The following CPNE8 variants were observed in gnomAD, a reference collection of about 807,000 sequenced individuals.
CPNE8 encodes the protein copine-8.
A neutral mutation model predicts 81.5 loss-of-function variants in CPNE8; 45 were observed. That is an observed-to-expected ratio of 0.55 (90% CI 0.44 to 0.71). The LOEUF is 0.71. Among genes scored for constraint, CPNE8 ranks in the 30% least tolerant of loss-of-function variants. The pLI is 0.00. For synonymous variants in CPNE8, 252 were observed against 226.3 expected (o/e 1.11, Z -1.02); for missense variants, 594 against 672.1 (o/e 0.88, Z 1.28).
intron 3 of CPNE8, among the ~76,000 whole-genome samples, chr12:38,852,885 G>A (rs1042626323): frequency 1.3e-5 from 2 of 151,956 alleles, no homozygotes; most frequent in African/African-American, 2.4e-5. Context: ...AGAATACAGT[G>A]TACCAGAATG....
chr12:38,728,162 A>G (rs1019065472), intron 11 of CPNE8, among the ~76,000 whole-genome samples: 19 of 152,218 alleles, frequency 1.2e-4, no homozygotes, highest in Non-Finnish European at 1.5e-4. Flanking sequence ...ATTCAACAAC[A>G]ACAAAAATAA....
At chr12:38,827,436 A>C (rs1286294101) in intron 6 of CPNE8, among the ~76,000 whole-genome samples, 1 of 152,196 alleles carries the variant, frequency 6.6e-6, no homozygotes, top group Non-Finnish European at 1.5e-5. Flanking sequence ...AACTTAAAAC[A>C]GAATTACCAT....
In CPNE8 at chr12:38,677,566, C is replaced by A. The variant is rs189606759; in HGVS notation, c.1272-12G>T. 8 of 1,529,784 alleles carry A rather than the reference C, an allele frequency of 5.2e-6. No individual in the cohort carries two copies. The highest frequency in any genetic ancestry group is 1.4e-5 in the African/African-American group (1 of 73,026). The allele number at this position is 1,529,784 out of a possible 1,614,324, so 94.8% of individuals were successfully genotyped here. On this transcript the variant is annotated splice_polypyrimidine_tract_variant and intron_variant, in intron 16 of 19. Transcript: ENST00000331366. ...CAGAAGAAGCATATCTGAAAGGCAA[C>A]GAAAAGGTAAGGAAAGTAAAACAGT... is the stretch of plus-strand genomic sequence containing the variant.
intron 1 of CPNE8, among the ~76,000 whole-genome samples, chr12:38,895,874 T>C (rs1320318747): frequency 6.6e-6 from 1 of 152,096 alleles, no homozygotes; most frequent in Non-Finnish European, 1.5e-5. Context: ...TGCTTAGGAA[T>C]TAGACATATA....
chr12:38,723,221 T>C (rs1940609400), intron 13 of CPNE8, among the ~76,000 whole-genome samples: 1 of 152,136 alleles, frequency 6.6e-6, no homozygotes, highest in Non-Finnish European at 1.5e-5. Flanking sequence ...TATGAGGGTG[T>C]AAGAACTTAT....
chr12:38,790,334 A>C (rs534084065), intron 6 of CPNE8, among the ~76,000 whole-genome samples: 1 of 151,974 alleles, frequency 6.6e-6, no homozygotes, highest in East Asian at 1.9e-4. Flanking sequence ...AAAGTAAGCC[A>C]GGCACAGAAA....
intron 1 of CPNE8, among the ~76,000 whole-genome samples, chr12:38,898,085 T>A (rs1201531302): frequency 1.3e-5 from 2 of 152,068 alleles, no homozygotes; most frequent in African/African-American, 4.8e-5. Context: ...TTGAGTAAAC[T>A]CAAATAGGGG....
intron 15 of CPNE8, among the ~76,000 whole-genome samples, chr12:38,693,412 A>AT (rs1230652007): frequency 1.3e-5 from 2 of 152,268 alleles, no homozygotes; most frequent in African/African-American, 4.8e-5. Flanking sequence ...TTAGCAAGCA[A>AT]TAGATAACCA....
At chr12:38,779,919 T>A (rs185900731) in intron 6 of CPNE8, among the ~76,000 whole-genome samples, 1 of 152,074 alleles carries the variant, frequency 6.6e-6, no homozygotes, top group Non-Finnish European at 1.5e-5. Flanking sequence ...CAAAGGATTA[T>A]AAAAAATAAG....
chr12:38,848,504 G>C, intron 4 of CPNE8, 55 bp downstream of exon 4: 1 of 1,511,774 alleles, frequency 6.6e-7, no homozygotes, highest in African/African-American at 1.4e-5. Flanking sequence ...CCTTACATTA[G>C]TAATATTGTC....
chr12:38,676,467 G>A (rs1939292420), intron 17 of CPNE8: 1 of 187,478 alleles, frequency 5.3e-6, no homozygotes, highest in African/African-American at 2.4e-5. Context: ...GTTGCTAAAG[G>A]GGGAAAGTGG....
chr12:38,660,678 G>GAATGGGAGAAAATT lies in CPNE8; in HGVS notation c.1507-6609_1507-6608insAATTTTCTCCCATT, dbSNP rs1938931792. ...AGACTACCATCAGAGTGAACAGGCA[G>GAATGGGAGAAAATT]CCTACAGAATGGGAGAAAATTTTTG... On this transcript the variant is annotated intron_variant, in intron 19 of 19. Transcript: ENST00000331366. 2.0e-5 allele frequency among the ~76,000 whole-genome samples: 3 copies of GAATGGGAGAAAATT among 152,194 alleles called. No homozygotes were observed. The South Asian group carries it at 6.2e-4, about 32-fold the overall frequency.
intron 6 of CPNE8, among the ~76,000 whole-genome samples, chr12:38,828,846 C>T (rs186864044): frequency 7.9e-5 from 12 of 152,240 alleles, no homozygotes; most frequent in Admixed American, 3.9e-4. Flanking sequence ...GAAACAGAAT[C>T]AACTCATGCA....
intron 4 of CPNE8, among the ~76,000 whole-genome samples, chr12:38,842,569 CTTTTTTTT>C (rs769891980): frequency 9.0e-6 from 1 of 110,834 alleles, no homozygotes; most frequent in Non-Finnish European, 1.8e-5. Flanking sequence ...AACATTTTTC[CTTTTTTTT>C]TTTTTTTTTT....
intron 14 of CPNE8, among the ~76,000 whole-genome samples, chr12:38,694,397 TAGGAGCCAG>T (rs989383139): frequency 2.6e-5 from 4 of 152,206 alleles, no homozygotes; most frequent in Non-Finnish European, 5.9e-5. Flanking sequence ...GACATTAAGC[TAGGAGCCAG>T]AGGCCAGAGT....
intron 14 of CPNE8, among the ~76,000 whole-genome samples, chr12:38,696,991 G>A (rs1939813639): frequency 6.6e-6 from 1 of 152,172 alleles, no homozygotes; most frequent in Non-Finnish European, 1.5e-5. Flanking sequence ...AGGTTGCAGT[G>A]AGCTGAGATT....
chr12:38,796,592 C>T (rs190087430), intron 6 of CPNE8, among the ~76,000 whole-genome samples: 27 of 152,092 alleles, frequency 1.8e-4, no homozygotes, highest in African/African-American at 2.2e-4. Flanking sequence ...GGAACAGCTC[C>T]GGTCTACAGC....
intron 15 of CPNE8, among the ~76,000 whole-genome samples, chr12:38,686,497 A>G (rs1697184845): frequency 6.6e-6 from 1 of 152,136 alleles, no homozygotes; most frequent in Admixed American, 6.6e-5. Context: ...ATAACACAAG[A>G]CCATGTATTA....
intron 6 of CPNE8, among the ~76,000 whole-genome samples, chr12:38,824,558 C>T (rs1866690148): frequency 7.0e-6 from 1 of 142,440 alleles, no homozygotes; most frequent in South Asian, 2.2e-4. Flanking sequence ...TAAGTTAGGC[C>T]ATTTAAAGGA....
Sources: allele counts gnomAD v4.1 joint callset (sites outside exome capture counted in the v4.1 genomes callset), GRCh38; gene constraint gnomAD v4.1.1; transcripts MANE v1.5; gene names NCBI Gene and HGNC (gene_info 2026-07-23, HGNC 2026-07-21).